COL2A1: variants seen among roughly 807,000 people sequenced by gnomAD.
COL2A1 encodes the protein collagen alpha-1(II) chain.
In COL2A1, 28 loss-of-function variants were observed where a neutral mutation model predicts 204.5. The observed-to-expected ratio is 0.14, with a 90% CI of 0.10 to 0.19. COL2A1 has a LOEUF of 0.19. Ranked by LOEUF, COL2A1 falls within the 10% of genes least tolerant of loss-of-function variation. COL2A1 has a pLI of 1.00. For synonymous variants in COL2A1, 708 were observed against 718.7 expected, an observed-to-expected ratio of 0.99 and a Z score of 0.24; for missense variants, 1,388 against 2,027.5, an observed-to-expected ratio of 0.68 and a Z score of 6.06.
rs758930823 is a variant in COL2A1 at position 47,982,899 on chromosome 12, G to A, written c.2142C>T (p.Gly714=). ...PGERGSPGAQ[G]LQGPRGLPGT... ...CGGGGAGGCCACGGGGACCCTGGAGGCCCTGGGCACCGGGAGAGCCACGTT... is the reference window on the plus strand; with the variant it reads ...CGGGGAGGCCACGGGGACCCTGGAGACCCTGGGCACCGGGAGAGCCACGTT... Residue 714 remains glycine (G), a synonymous_variant, in exon 33 of 54, where the codon GGC becomes GGT. Coordinates refer to ENST00000380518, the MANE Select transcript of COL2A1 (RefSeq NM_001844.5). The A allele has an allele frequency of 3.1e-6, 5 of 1,613,224 alleles. No individual in the cohort carries two copies. The Admixed American group carries it at 6.7e-5, about 22-fold the overall frequency.
chr12:47,982,673 G>T, intron 33 of COL2A1, 64 bp from the exon 34 acceptor site: 1 of 1,359,020 alleles, frequency 7.4e-7, no homozygotes. Flanking sequence ...CATGTTCATG[G>T]AGCCTGGGTA....
chr12:47,997,473 G>A, intron 7 of COL2A1, 133 bp downstream of exon 7: 2 of 1,520,272 alleles, frequency 1.3e-6, no homozygotes, highest in Non-Finnish European at 1.8e-6. Flanking sequence ...ACAGGCCTGA[G>A]GGCAAAGCCC....
At chr12:47,997,332 C>A (rs1399262337) in intron 7 of COL2A1, among the ~76,000 whole-genome samples, 1 of 152,240 alleles carries the variant, frequency 6.6e-6, no homozygotes, top group Non-Finnish European at 1.5e-5. Flanking sequence ...ACCCACCCCC[C>A]AGCATCAACT....
chr12:47,993,682 G>T, intron 14 of COL2A1, 127 bp downstream of exon 14: 1 of 1,204,990 alleles, frequency 8.3e-7, no homozygotes. Flanking sequence ...ATGTAGGGCT[G>T]GTGTTCCCAG....
At chr12:47,999,808 A>G in intron 2 of COL2A1, 111 bp downstream of exon 2, 2 of 933,998 alleles carry the variant, frequency 2.1e-6, no homozygotes, top group South Asian at 1.4e-5. Flanking sequence ...ACCAGGTCCC[A>G]TGGATAACTA....
At position 48,000,627 on chromosome 12, in the gene COL2A1, T is replaced by C. The variant is rs75387565; in HGVS notation, c.86-502A>G. ...TCTGGGAATTATGGGATTAGCTAAA[T>C]ACAACTGACAACTAACATTCAGAGG... On this transcript the variant is annotated intron_variant, in intron 1 of 53. Transcript: ENST00000380518. Among the ~76,000 whole-genome samples, 1,457 of 152,244 alleles carry C rather than the reference T, an allele frequency of 9.6e-3. 10 individuals are homozygous for C. Among genetic ancestry groups the C allele is most frequent in the Non-Finnish European group, 0.017 (1,151 of 68,010 alleles).
At chr12:47,997,542 C>A in intron 7 of COL2A1, 64 bp downstream of exon 7, 2 of 1,613,248 alleles carry the variant, frequency 1.2e-6, no homozygotes, top group South Asian at 2.2e-5. Flanking sequence ...TAAGTGCAAG[C>A]AGCAATTTAA....
In COL2A1 at chr12:47,981,654, C is replaced by CT. The variant is rs41263865; in HGVS notation, c.2409+121dup. The CT allele has an allele frequency of 0.16, 200,505 of 1,225,016 alleles. 19,319 individuals are homozygous for CT. Among genetic ancestry groups the CT allele is most frequent in the East Asian group, 0.4 (15,631 of 39,280 alleles). 75.9% of individuals were successfully genotyped at this position (1,225,016 alleles called of 1,614,324 possible). A position where few individuals can be genotyped will look rare whatever the true frequency, so the allele number is the denominator to read the frequency against. On this transcript the variant is annotated intron_variant, in intron 36 of 53. Transcript: ENST00000380518. ...TTCTGAGAGGGCCCCCTCTTCACTC[C>CT]TACGGCCTTGGCCGAGGGTGACAGT...
chr12:47,982,700 C>T, intron 33 of COL2A1, 91 bp from the exon 34 acceptor site: 1 of 1,255,996 alleles, frequency 8.0e-7, no homozygotes, highest in Non-Finnish European at 1.1e-6. Flanking sequence ...GCCCCAAACC[C>T]CTCTTCCTTC....
At chr12:47,977,074 A>G in intron 47 of COL2A1, 28 bp downstream of exon 47, 3 of 1,595,822 alleles carry the variant, frequency 1.9e-6, no homozygotes, top group Non-Finnish European at 2.6e-6. Flanking sequence ...CCTGGTGGGG[A>G]CTCAGTGCAG....
chr12:47,975,359 T>C lies in COL2A1; in HGVS notation c.3844A>G (p.Thr1282Ala). Residue 1282 changes from threonine to alanine, a missense_variant, in exon 51 of 54, where the codon ACC becomes GCC. By Grantham distance (58) the Thr-to-Ala change is moderately conservative. This residue lies in a region of COL2A1 where 303 missense variants were observed against 369.2 expected (regional missense o/e 0.82). Coordinates refer to ENST00000380518, the MANE Select transcript of COL2A1 (RefSeq NM_001844.5). The stretch of plus-strand genomic sequence containing the variant: ...TGGCAGAGTTTCAGGTCTCTGCAGG[T>C]GCGAGCAGGGTTCTTGCGGGAGCCC... ...PEGSRKNPAR[T>A]CRDLKLCHPE... The C allele has an allele frequency of 1.2e-6, 2 of 1,614,178 alleles. No homozygotes were observed. Among genetic ancestry groups the C allele is most frequent in the Non-Finnish European group, 1.7e-6 (2 of 1,180,032 alleles).
At chr12:48,000,815 G>A (rs1940200851) in intron 1 of COL2A1, among the ~76,000 whole-genome samples, 2 of 152,228 alleles carry the variant, frequency 1.3e-5, no homozygotes. Context: ...GAGGGGGATA[G>A]ACCCATTCAA....
rs1025446065 is a variant in COL2A1 at position 47,976,405 on chromosome 12, C to A, written c.3489+109G>T. ...TCCTGCCCCCATTACTGAGTGAGGACCCCTGAGCCCACAGCTTCCCCAGAA... is the reference window on the plus strand; with the variant it reads ...TCCTGCCCCCATTACTGAGTGAGGAACCCTGAGCCCACAGCTTCCCCAGAA... On this transcript the variant is annotated intron_variant, in intron 49 of 53. Coordinates refer to ENST00000380518, the MANE Select transcript of COL2A1 (RefSeq NM_001844.5). The surrounding 1 kb of genome is among the most constrained non-coding windows in gnomAD (Gnocchi z 4.3). 2.9e-5 allele frequency: 37 copies of A among 1,279,094 alleles called. No homozygotes were observed. In the Admixed American group the frequency reaches 4.1e-4, roughly 14 times the overall value. 79.2% of individuals were successfully genotyped at this position (1,279,094 alleles called of 1,614,324 possible).
chr12:47,980,162 G>C lies in COL2A1; in HGVS notation c.2626-100C>G, dbSNP rs1592206028. ...ATGGACCCCTGAGGTTTTCGAAGAT[G>C]CAGCTTTCTTGGCACTAAAAACCCA... On this transcript the variant is annotated intron_variant, in intron 39 of 53. Coordinates refer to ENST00000380518, the MANE Select transcript of COL2A1 (RefSeq NM_001844.5). The surrounding 1 kb of genome is among the most constrained non-coding windows in gnomAD (Gnocchi z 4.5). 2.2e-5 allele frequency: 25 copies of C among 1,138,028 alleles called. No homozygotes were observed. The highest frequency in any genetic ancestry group is 3.2e-5 in the Non-Finnish European group (25 of 772,820). The allele number at this position is 1,138,028 out of a possible 1,614,324, so 70.5% of individuals were successfully genotyped here.
In COL2A1 at chr12:47,980,057, A is replaced by C; in HGVS notation, c.2631T>G (p.Pro877=). The C allele has an allele frequency of 6.4e-7, 1 of 1,554,130 alleles. No individual in the cohort carries two copies. Among genetic ancestry groups the C allele is most frequent in the Non-Finnish European group, 8.7e-7 (1 of 1,148,718 alleles). Residue 877 remains proline (P), a synonymous_variant, in exon 40 of 54, where the codon CCT becomes CCG. Transcript: ENST00000380518. This position sits in a 1 kb window ranked among gnomAD's most constrained non-coding sequence, Gnocchi z 4.5. ...CTCCTTTAGGACCAGTCACTCCAGT[A>C]GGACCCTGGAAAGGAAAGAGGGAGA... The part of the protein sequence containing the change: ...GPSGAPGPQG[P]TGVTGPKGAR...
chr12:47,993,855 G>C lies in COL2A1; in HGVS notation c.878C>G (p.Pro293Arg), dbSNP rs759396969. The C allele has an allele frequency of 5.6e-6, 9 of 1,614,030 alleles. No individual in the cohort carries two copies. The change falls in exon 14 of 54, where the codon CCA (proline) becomes CGA (arginine). Residue 293 changes from proline (P) to arginine (R), a missense_variant. Coordinates refer to ENST00000380518, the MANE Select transcript of COL2A1 (RefSeq NM_001844.5). The part of the protein sequence containing the change: ...LPGVKGHRGY[P>R]GLDGAKGEAG... ...CTCTCCCTTAGCACCGTCCAGGCCT[G>C]GATAACCCTAGGGAACAAGAGAAAA... is the stretch of plus-strand genomic sequence containing the variant.
intron 44 of COL2A1, 57 bp downstream of exon 44, chr12:47,977,953 A>T: frequency 2.0e-6 from 3 of 1,484,562 alleles, no homozygotes; most frequent in Non-Finnish European, 2.8e-6. Context: ...CCCAGCACAG[A>T]GACTCACAGG....
Position 47,980,035 on chromosome 12 carries a change from C to T in COL2A1, c.2653G>A (p.Gly885Arg). 6.4e-7 allele frequency: 1 copy of T among 1,555,632 alleles called. No individual in the cohort carries two copies. The highest frequency in any genetic ancestry group is 2.4e-5 in the East Asian group (1 of 41,194). The change falls in exon 40 of 54, where the codon GGA (glycine) becomes AGA (arginine). Residue 885 changes from glycine (G) to arginine (R), a missense_variant. By Grantham distance (125) the Gly-to-Arg change is moderately radical. Around this residue, in one of 3 missense-constraint regions of COL2A1, gnomAD observed 884 missense variants for 1,415.8 expected, o/e 0.62. Coordinates refer to ENST00000380518, the MANE Select transcript of COL2A1 (RefSeq NM_001844.5). This position sits in a 1 kb window ranked among gnomAD's most constrained non-coding sequence, Gnocchi z 4.5. ...QGPTGVTGPK[G>R]ARGAQGPPGA... is the part of the protein sequence containing the mutation. ...GGGGGGCCTTGGGCACCTCGGGCTC[C>T]TTTAGGACCAGTCACTCCAGTAGGA...
Position 47,973,057 on chromosome 12 carries a change from C to A in COL2A1, c.*350G>T, listed in dbSNP as rs999111722. The A allele has an allele frequency of 4.4e-5, 26 of 592,678 alleles. No homozygotes were observed. The African/African-American group carries it at 4.5e-4, about 10-fold the overall frequency. 36.7% of individuals were successfully genotyped at this position (592,678 alleles called of 1,614,324 possible). ...CACAGAATAGCACCATTGTGTAGGA[C>A]ACACACAGTTCCTGCGCCCGGCACC... On this transcript the variant is annotated 3_prime_UTR_variant, in exon 54 of 54. Transcript: ENST00000380518.
Sources: allele counts gnomAD v4.1 joint callset (sites outside exome capture counted in the v4.1 genomes callset), GRCh38; gene constraint gnomAD v4.1.1; regional missense constraint gnomAD v4.1.1; non-coding constraint Gnocchi (gnomAD v3.1); transcripts MANE v1.5; gene names NCBI Gene and HGNC (gene_info 2026-07-23, HGNC 2026-07-21).